Variants in MTUS2 observed in about 807,000 individuals in gnomAD.
The protein encoded by MTUS2 is microtubule-associated tumor suppressor candidate 2.
Under a neutral mutation model 114.1 loss-of-function variants are expected in MTUS2, and 40 were observed. The observed-to-expected ratio is 0.35, with a 90% CI of 0.27 to 0.46. The LOEUF is 0.46. Among genes scored for constraint, MTUS2 ranks in the 20% least tolerant of loss-of-function variants. The pLI is 1.00. For synonymous variants in MTUS2, 688 were observed against 672.0 expected, an observed-to-expected ratio of 1.02 and a Z score of -0.37; for missense variants, 1,679 against 1,705.4, an observed-to-expected ratio of 0.98 and a Z score of 0.27.
At chr13:29,234,617 A>T (rs991997147) in intron 5 of MTUS2, among the ~76,000 whole-genome samples, 12 of 151,870 alleles carry the variant, frequency 7.9e-5, no homozygotes, top group Non-Finnish European at 1.2e-4. Flanking sequence ...TTAGAAAAAA[A>T]CTCCTTTTTT....
chr13:28,972,600 C>T (rs1192810016), intron 2 of MTUS2, among the ~76,000 whole-genome samples: 1 of 152,150 alleles, frequency 6.6e-6, no homozygotes, highest in Admixed American at 6.5e-5. Flanking sequence ...TACCCTTTGG[C>T]CCAAGGTACA....
At chr13:29,189,753 G>A (rs1305768470) in intron 5 of MTUS2, among the ~76,000 whole-genome samples, 1 of 152,098 alleles carries the variant, frequency 6.6e-6, no homozygotes, top group South Asian at 2.1e-4. Flanking sequence ...TACTCTTATG[G>A]CCTCAAAGTT....
chr13:28,880,115 T>C (rs1039827793), intron 2 of MTUS2, among the ~76,000 whole-genome samples: 2 of 152,212 alleles, frequency 1.3e-5, no homozygotes, highest in African/African-American at 4.8e-5. Flanking sequence ...CTCACTGTTC[T>C]ATTCAAAGCA....
Position 29,025,417 on chromosome 13 carries a change from G to T in MTUS2, c.719G>T (p.Ser240Ile), listed in dbSNP as rs147509170. The T allele has an allele frequency of 6.2e-7, 1 of 1,613,766 alleles. No individual in the cohort carries two copies. Among genetic ancestry groups the T allele is most frequent in the African/African-American group, 1.3e-5 (1 of 75,042 alleles). ...ACTGACAGTACCTCAGAGGGAAAGA[G>T]TGTGCGTCATCCTAAACCATCTACC... is the stretch of plus-strand genomic sequence containing the variant. ...PATDSTSEGK[S>I]VRHPKPSTSE... The change falls in exon 3 of 16, where the codon AGT (serine) becomes ATT (isoleucine). Residue 240 changes from serine (S) to isoleucine (I), a missense_variant. Ser to Ile is a moderately radical substitution (Grantham distance 142). Around this residue, in one of 3 missense-constraint regions of MTUS2, gnomAD observed 843 missense variants for 770.8 expected, o/e 1.09. Coordinates refer to ENST00000612955, the MANE Select transcript of MTUS2 (RefSeq NM_001033602.4).
At chr13:28,937,324 ACTGTAAAATGGACCAATCAGTGCT>A (rs553754521) in intron 2 of MTUS2, among the ~76,000 whole-genome samples, 34 of 151,224 alleles carry the variant, frequency 2.2e-4, no homozygotes, top group Admixed American at 1.0e-3. Context: ...CAACTAGCAC[ACTGTAAAATGGACCAATCAGTGCT>A]CTGTAAAATG....
chr13:29,377,186 G>A lies in MTUS2; in HGVS notation c.3117+17713G>A, dbSNP rs561534541. Among the ~76,000 whole-genome samples, 8 of 152,278 alleles carry A rather than the reference G, an allele frequency of 5.3e-5. No homozygotes were observed. The South Asian group carries it at 8.3e-4, about 16-fold the overall frequency. ...AGATTTCAACACCCCTGGCTCAGTA[G>A]TAAACAGAAGTTGTAGGCAGAAAAT... On this transcript the variant is annotated intron_variant, in intron 8 of 15. Coordinates refer to ENST00000612955, the MANE Select transcript of MTUS2 (RefSeq NM_001033602.4).
At chr13:29,323,417 T>C (rs1388023154) in intron 6 of MTUS2, among the ~76,000 whole-genome samples, 1 of 136,772 alleles carries the variant, frequency 7.3e-6, no homozygotes, top group African/African-American at 3.7e-5. Context: ...GCCTGGCTAA[T>C]TTTTTGTAAT....
At position 29,271,624 on chromosome 13, in the gene MTUS2, C is replaced by T. The variant is rs142967928; in HGVS notation, c.2645-10080C>T. Among the ~76,000 whole-genome samples, 629 of 152,228 alleles carry T rather than the reference C, an allele frequency of 4.1e-3. 3 individuals carry two copies. The highest frequency in any genetic ancestry group is 6.6e-3 in the Non-Finnish European group (449 of 68,012). On this transcript the variant is annotated intron_variant, in intron 5 of 15. Coordinates refer to ENST00000612955, the MANE Select transcript of MTUS2 (RefSeq NM_001033602.4). ...TTGGAGTTTGTGTTTCTGTCTTGTTCCTTTGCTGGACCAAGCAGCTCGTGT... is the reference window on the plus strand; with the variant it reads ...TTGGAGTTTGTGTTTCTGTCTTGTTTCTTTGCTGGACCAAGCAGCTCGTGT...
intron 5 of MTUS2, among the ~76,000 whole-genome samples, chr13:29,272,742 C>T (rs1897923978): frequency 6.6e-6 from 1 of 152,222 alleles, no homozygotes; most frequent in Non-Finnish European, 1.5e-5. Context: ...TTAGCACAGG[C>T]TTCTCTGGCC....
At chr13:29,350,947 CATATATATATTTCATATATATATAT>C (rs1462597387) in intron 7 of MTUS2, among the ~76,000 whole-genome samples, 1 of 92,846 alleles carries the variant, frequency 1.1e-5, no homozygotes. Context: ...GGAATTAGGG[CATATATATATTTCATATATATATAT>C]ATATATATAT....
At chr13:29,182,321 T>C (rs935805964) in intron 5 of MTUS2, among the ~76,000 whole-genome samples, 1 of 152,252 alleles carries the variant, frequency 6.6e-6, no homozygotes, top group Non-Finnish European at 1.5e-5. Flanking sequence ...TATTTTCATC[T>C]ATACAGTCTC....
At chr13:29,488,328 G>C (rs529160817) in intron 11 of MTUS2, among the ~76,000 whole-genome samples, 7 of 152,048 alleles carry the variant, frequency 4.6e-5, no homozygotes, top group African/African-American at 1.7e-4. Flanking sequence ...CCATAGTGCA[G>C]TGTAAACATC....
intron 2 of MTUS2, among the ~76,000 whole-genome samples, chr13:28,994,914 C>G (rs2138353259): frequency 6.6e-6 from 1 of 152,182 alleles, no homozygotes; most frequent in African/African-American, 2.4e-5. Context: ...AATTAGATCC[C>G]CTTTGTCAAT....
chr13:29,367,942 C>CT (rs545792343), intron 8 of MTUS2, among the ~76,000 whole-genome samples: 98,859 of 134,526 alleles, frequency 0.73, 36,603 homozygotes, highest in East Asian at 0.82. Flanking sequence ...GAATCTACTT[C>CT]TTTTTTTTTT....
chr13:28,908,233 T>A (rs1255405294), intron 2 of MTUS2, among the ~76,000 whole-genome samples: 3 of 151,628 alleles, frequency 2.0e-5, no homozygotes, highest in African/African-American at 7.3e-5. Flanking sequence ...GTTGTTGTGC[T>A]GCACCCAGTA....
intron 5 of MTUS2, among the ~76,000 whole-genome samples, chr13:29,252,237 A>C (rs1290348166): frequency 1.3e-5 from 2 of 152,124 alleles, no homozygotes; most frequent in Admixed American, 1.3e-4. Flanking sequence ...CCTTTCTACA[A>C]ATTAGTGGAG....
intron 2 of MTUS2, among the ~76,000 whole-genome samples, chr13:28,880,845 A>G (rs1199780265): frequency 3.3e-5 from 5 of 152,204 alleles, no homozygotes; most frequent in Non-Finnish European, 5.9e-5. Flanking sequence ...TTTGAGAGAA[A>G]TCTTATAAAA....
intron 8 of MTUS2, among the ~76,000 whole-genome samples, chr13:29,423,387 G>A (rs1008690281): frequency 3.9e-5 from 6 of 152,290 alleles, no homozygotes; most frequent in African/African-American, 1.4e-4. Context: ...AGGGCTCCTA[G>A]CAAGGATAGA....
intron 5 of MTUS2, among the ~76,000 whole-genome samples, chr13:29,138,560 TA>T (rs1246412576): frequency 1.7e-5 from 2 of 121,162 alleles, no homozygotes; most frequent in African/African-American, 5.1e-5. Context: ...AAGACTATAT[TA>T]AAAATTAATA....
Sources: allele counts gnomAD v4.1 joint callset (sites outside exome capture counted in the v4.1 genomes callset), GRCh38; gene constraint gnomAD v4.1.1; regional missense constraint gnomAD v4.1.1; transcripts MANE v1.5; gene names NCBI Gene and HGNC (gene_info 2026-07-23, HGNC 2026-07-21).